The following TBXAS1 variants were observed in gnomAD, a reference collection of about 807,000 sequenced individuals.
TBXAS1 encodes thromboxane-A synthase.
TBXAS1 carries 48 observed loss-of-function variants against 60.7 expected under a neutral mutation model. That is an observed-to-expected ratio of 0.79 (90% CI 0.63 to 1.01). The LOEUF (loss-of-function observed/expected upper bound fraction) is 1.01, where lower values mean the gene tolerates loss of function less well. TBXAS1 is among the 50% of genes least tolerant of loss of function. The probability of loss-of-function intolerance (pLI) is 0.00; values close to 1 mark genes in which losing one functional copy is unlikely to be tolerated. For missense variants in TBXAS1, 685 were observed against 686.3 expected, an observed-to-expected ratio of 1.00 and a Z score of 0.02; for synonymous variants, 287 against 269.7, an observed-to-expected ratio of 1.06 and a Z score of -0.63.
chr7:139,964,237 C>T (rs1157910721), intron 9 of TBXAS1, among the ~76,000 whole-genome samples: 1 of 152,202 alleles, frequency 6.6e-6, no homozygotes, highest in African/African-American at 2.4e-5. Context: ...AGACATTCAC[C>T]ACCACAACTG....
chr7:140,003,440 G>GC (rs1458673638), intron 9 of TBXAS1, among the ~76,000 whole-genome samples: 1 of 152,062 alleles, frequency 6.6e-6, no homozygotes, highest in Non-Finnish European at 1.5e-5. Context: ...CCTCACCTCA[G>GC]GTGATCCACC....
intron 1 of TBXAS1, among the ~76,000 whole-genome samples, chr7:139,868,809 G>T (rs1417945850): frequency 2.0e-5 from 3 of 151,376 alleles, no homozygotes; most frequent in Non-Finnish European, 2.9e-5. Flanking sequence ...AGCCTGCCTG[G>T]TTACCTTTTG....
At chr7:139,888,246 T>TCGTGCA (rs1803267669) in intron 3 of TBXAS1, among the ~76,000 whole-genome samples, 1 of 152,252 alleles carries the variant, frequency 6.6e-6, no homozygotes, top group Admixed American at 6.5e-5. Flanking sequence ...TTACAATTTA[T>TCGTGCA]GTGTCTGCCT....
rs200074070 is a variant in TBXAS1 at position 139,818,799 on chromosome 7, T to C, written c.-79-10513T>C. ...GGGCTGGTGAGATGAATACCACACA[T>C]AGACGGCTCCAATGGCTTCATGGAG... On this transcript the variant is annotated intron_variant, in intron 4 of 16. Transcript: ENST00000336425. Among the ~76,000 whole-genome samples the C allele has an allele frequency of 3.9e-5, 6 of 152,286 alleles. No homozygotes were observed. In the East Asian group the frequency reaches 7.7e-4, roughly 20 times the overall value.
intron 1 of TBXAS1, among the ~76,000 whole-genome samples, chr7:139,849,976 A>T (rs577210406): frequency 6.6e-6 from 1 of 152,332 alleles, no homozygotes; most frequent in Admixed American, 6.5e-5. Context: ...AAATATTCTC[A>T]TGGGTGCTGG....
chr7:139,877,057 T>G (rs1802289862), intron 3 of TBXAS1, among the ~76,000 whole-genome samples: 1 of 152,192 alleles, frequency 6.6e-6, no homozygotes, highest in African/African-American at 2.4e-5. Context: ...CATTTCAGCT[T>G]ATACCCTATT....
In TBXAS1 at chr7:139,830,858, T is replaced by C. The variant is rs983391723; in HGVS notation, c.89+1379T>C. On this transcript the variant is annotated intron_variant, in intron 1 of 12. Coordinates refer to ENST00000448866, the MANE Select transcript of TBXAS1 (RefSeq NM_001061.7). ...CTCATCAATAGCTATGCTCTGACTG[T>C]GGTTCTCAAAGCGGACACTTTTTTA... Among the ~76,000 whole-genome samples, 8 of 152,274 alleles carry C rather than the reference T, an allele frequency of 5.3e-5. No individual in the cohort carries two copies. In the East Asian group the frequency reaches 7.7e-4, roughly 15 times the overall value.
At chr7:139,900,142 T>G (rs964849757) in intron 3 of TBXAS1, among the ~76,000 whole-genome samples, 7 of 152,236 alleles carry the variant, frequency 4.6e-5, no homozygotes, top group Non-Finnish European at 8.8e-5. Flanking sequence ...AATATTTCAC[T>G]AGTATGAGAA....
intron 2 of TBXAS1, among the ~76,000 whole-genome samples, chr7:139,874,523 A>G (rs1802072143): frequency 6.6e-6 from 1 of 152,156 alleles, no homozygotes; most frequent in South Asian, 2.1e-4. Flanking sequence ...ACTTTCCTTG[A>G]TATATGGCAA....
rs772223176 is a variant in TBXAS1 at position 139,936,295 on chromosome 7, A to G, written c.438A>G (p.Glu146=). The change falls in exon 5 of 13, where the codon GAA becomes GAG. Residue 146 remains glutamate (E), a synonymous_variant. Transcript: ENST00000448866. ...RGALMSAFSP[E]KLNEMVPLIS... ...CCCTGATGTCTGCTTTCAGTCCTGA[A>G]AAGCTGAACGAGGTAAGACATGAGA... The G allele has an allele frequency of 1.2e-6, 2 of 1,614,206 alleles. No homozygotes were observed. The highest frequency in any genetic ancestry group is 1.7e-6 in the Non-Finnish European group (2 of 1,180,024).
At chr7:139,924,470 T>A (rs1165594707) in intron 4 of TBXAS1, among the ~76,000 whole-genome samples, 1 of 152,142 alleles carries the variant, frequency 6.6e-6, no homozygotes, top group Non-Finnish European at 1.5e-5. Context: ...AACTGTCGAT[T>A]CACATCTTTT....
At chr7:139,931,042 T>TACAC (rs896392952) in intron 4 of TBXAS1, among the ~76,000 whole-genome samples, 1 of 151,488 alleles carries the variant, frequency 6.6e-6, no homozygotes, top group Non-Finnish European at 1.5e-5. Flanking sequence ...TGATACAGAA[T>TACAC]ACACACACAC....
chr7:139,865,887 G>GAGGAAGGAGGGAGGGAGGGAGGA (rs1801382268), intron 1 of TBXAS1, among the ~76,000 whole-genome samples: 1 of 129,160 alleles, frequency 7.7e-6, no homozygotes, highest in Non-Finnish European at 1.6e-5. Context: ...GGGAGGGAAG[G>GAGGAAGGAGGGAGGGAGGGAGGA]AGGAAGGAGG....
At chr7:139,886,816 G>A (rs1035927772) in intron 3 of TBXAS1, among the ~76,000 whole-genome samples, 1 of 152,126 alleles carries the variant, frequency 6.6e-6, no homozygotes, top group Non-Finnish European at 1.5e-5. Flanking sequence ...GATTGACATG[G>A]CCACTAGGTT....
chr7:139,958,477 G>A (rs765341051), intron 8 of TBXAS1, among the ~76,000 whole-genome samples: 1 of 152,228 alleles, frequency 6.6e-6, no homozygotes, highest in African/African-American at 2.4e-5. Flanking sequence ...GGGCTTTAAA[G>A]CCCTTGTCAC....
chr7:139,972,019 T>C (rs1474792806), intron 9 of TBXAS1, among the ~76,000 whole-genome samples: 2 of 152,064 alleles, frequency 1.3e-5, no homozygotes, highest in Non-Finnish European at 2.9e-5. Flanking sequence ...ATGCCTGCAA[T>C]GGGGGTGGCA....
At position 139,951,905 on chromosome 7, in the gene TBXAS1, AAGAGAAAGAAAG is replaced by A. The variant is rs1238753692; in HGVS notation, c.451-1440_451-1429del. ...AAAGAAGGAAGGAAGGAAGGAAAGA[AAGAGAAAGAAAG>A]AGAGAAAGAAAGAGAGAAAGAAGGA... On this transcript the variant is annotated intron_variant, in intron 5 of 12. Coordinates refer to ENST00000448866, the MANE Select transcript of TBXAS1 (RefSeq NM_001061.7). Among the ~76,000 whole-genome samples, 4 of 35,628 alleles carry A rather than the reference AAGAGAAAGAAAG, an allele frequency of 1.1e-4. 1 individual carries two copies. The highest frequency in any genetic ancestry group is 3.8e-4 in the African/African-American group (3 of 7,952). The allele number at this position is 35,628 out of a possible 152,430, so 23.4% of individuals were successfully genotyped here. A position where few individuals can be genotyped will look rare whatever the true frequency, so the allele number is the denominator to read the frequency against.
intron 1 of TBXAS1, among the ~76,000 whole-genome samples, chr7:139,860,747 T>C (rs1800903370): frequency 6.6e-6 from 1 of 152,192 alleles, no homozygotes; most frequent in Non-Finnish European, 1.5e-5. Context: ...ACCAGTGAGG[T>C]TGATTTTGGA....
At chr7:139,874,559 T>C (rs540293029) in intron 2 of TBXAS1, among the ~76,000 whole-genome samples, 1 of 152,188 alleles carries the variant, frequency 6.6e-6, no homozygotes, top group Non-Finnish European at 1.5e-5. Context: ...TTCAGTAGAT[T>C]TCATGAGAAA....
Sources: gnomAD v4.1 joint callset for allele counts (sites outside exome capture counted in the v4.1 genomes callset) on GRCh38, gnomAD v4.1.1 for gene constraint, MANE v1.5 for transcripts, NCBI Gene and HGNC (gene_info 2026-07-23, HGNC 2026-07-21) for gene names.